Variants in MMS22L observed in about 807,000 individuals in gnomAD.
MMS22L encodes MMS22 like, DNA repair protein.
MMS22L carries 74 observed loss-of-function variants against 159.1 expected under a neutral mutation model. The ratio of observed to expected loss-of-function variants is 0.47; its 90% CI spans 0.39 to 0.56. The LOEUF (loss-of-function observed/expected upper bound fraction) is 0.56, where lower values mean the gene tolerates loss of function less well. Among genes scored for constraint, MMS22L ranks in the 20% least tolerant of loss-of-function variants. The pLI is 0.00. For missense variants in MMS22L, 1,351 were observed against 1,422.1 expected, an observed-to-expected ratio of 0.95 and a Z score of 0.80; for synonymous variants, 517 against 506.9, an observed-to-expected ratio of 1.02 and a Z score of -0.27.
At chr6:97,180,419 C>G (rs550986306) in intron 16 of MMS22L, among the ~76,000 whole-genome samples, 49 of 152,180 alleles carry the variant, frequency 3.2e-4, no homozygotes, top group South Asian at 8.3e-4. Flanking sequence ...TGATTTCTAA[C>G]CCATTCATTA....
At chr6:97,248,097 A>G (rs552473268) in intron 10 of MMS22L, among the ~76,000 whole-genome samples, 45 of 152,316 alleles carry the variant, frequency 3.0e-4, no homozygotes, top group Non-Finnish European at 5.4e-4. Context: ...ATACCAATAT[A>G]AGTGATAGTA....
intron 14 of MMS22L, among the ~76,000 whole-genome samples, chr6:97,213,056 C>CGTGTGTGT (rs754364178): frequency 1.3e-5 from 2 of 151,534 alleles, no homozygotes; most frequent in East Asian, 3.9e-4. Context: ...TGTGTGTGTG[C>CGTGTGTGT]GTGTGTGTGT....
At chr6:97,193,094 T>A (rs1463214762) in intron 14 of MMS22L, among the ~76,000 whole-genome samples, 1 of 152,176 alleles carries the variant, frequency 6.6e-6, no homozygotes, top group African/African-American at 2.4e-5. Flanking sequence ...TAAAGGTAGT[T>A]ATAAAGTAGT....
intron 11 of MMS22L, among the ~76,000 whole-genome samples, chr6:97,235,662 A>G (rs1811316835): frequency 6.6e-6 from 1 of 152,212 alleles, no homozygotes. Flanking sequence ...GAAGTCATTG[A>G]CGGCCTTCCC....
chr6:97,259,124 ACATT>A (rs375713346), intron 9 of MMS22L: 3 of 152,314 alleles, frequency 2.0e-5, no homozygotes, highest in East Asian at 3.9e-4. Context: ...ACACACACAC[ACATT>A]GCCTTTTTCC....
rs558124611 is a variant in MMS22L, at chr6:97,251,352, T to A, written c.1119+3205A>T. Among the ~76,000 whole-genome samples the A allele has an allele frequency of 4.6e-5, 7 of 152,342 alleles. No homozygotes were observed. The South Asian group carries it at 1.5e-3, about 32-fold the overall frequency. ...GAATATATTACCCTCTCACCTACTT[T>A]AAAATATTTCACTGAGATAATACAC... On this transcript the variant is annotated intron_variant, in intron 10 of 24. Transcript: ENST00000683635.
chr6:97,253,050 T>A (rs1813407727), intron 10 of MMS22L, among the ~76,000 whole-genome samples: 1 of 152,220 alleles, frequency 6.6e-6, no homozygotes, highest in South Asian at 2.1e-4. Context: ...AATTCTTTTC[T>A]GTGAGAAGTT....
At chr6:97,282,289 G>A in intron 2 of MMS22L, 25 bp downstream of exon 2, 1 of 1,610,046 alleles carries the variant, frequency 6.2e-7, no homozygotes, top group African/African-American at 1.3e-5. Context: ...TCAGATGAGG[G>A]AAAATGTCTC....
In MMS22L at chr6:97,145,156, A is replaced by G. The variant is rs1398411176; in HGVS notation, c.*1650T>C. On this transcript the variant is annotated 3_prime_UTR_variant, in exon 25 of 25. Coordinates refer to ENST00000683635, the MANE Select transcript of MMS22L (RefSeq NM_001350599.2). Reference sequence around the variant, plus strand: ...TGACTGCTGGAACTTTCCAAGCCATACATTATTTGTTTAGTAAGTCACTAT... The same window carrying G: ...TGACTGCTGGAACTTTCCAAGCCATGCATTATTTGTTTAGTAAGTCACTAT... 6.6e-6 allele frequency: 1 copy of G among 152,028 alleles called. No individual in the cohort carries two copies. The highest frequency in any genetic ancestry group is 1.5e-5 in the Non-Finnish European group (1 of 67,998). 9.4% of individuals were successfully genotyped at this position (152,028 alleles called of 1,614,324 possible).
At chr6:97,209,221 T>C (rs949071023) in intron 14 of MMS22L, among the ~76,000 whole-genome samples, 2 of 152,064 alleles carry the variant, frequency 1.3e-5, no homozygotes, top group Non-Finnish European at 1.5e-5. Context: ...TATACACATG[T>C]ACGGTTTACT....
chr6:97,172,566 G>A (rs1298220061), intron 19 of MMS22L, among the ~76,000 whole-genome samples: 1 of 152,132 alleles, frequency 6.6e-6, no homozygotes, highest in Non-Finnish European at 1.5e-5. Context: ...TATAGAACGG[G>A]CATAGAAAAT....
At chr6:97,151,690 A>T (rs574008353) in intron 23 of MMS22L, 81 bp downstream of exon 23, 91 of 1,071,322 alleles carry the variant, frequency 8.5e-5, no homozygotes, top group Non-Finnish European at 1.2e-4. Context: ...TATGTTTTGG[A>T]TAATTAGTTA....
chr6:97,251,919 GA>G (rs1367826576), intron 10 of MMS22L, among the ~76,000 whole-genome samples: 9 of 151,768 alleles, frequency 5.9e-5, no homozygotes, highest in Non-Finnish European at 1.2e-4. Flanking sequence ...CCGTTTCTAC[GA>G]AAAATACAAA....
chr6:97,156,518 T>C (rs1206136), intron 22 of MMS22L, among the ~76,000 whole-genome samples: 68,110 of 152,026 alleles, frequency 0.45, 15,434 homozygotes, highest in South Asian at 0.53. Context: ...ATGGATCCAG[T>C]TTCAGTTTTC....
chr6:97,192,619 G>C (rs1216133975), intron 14 of MMS22L, among the ~76,000 whole-genome samples: 3 of 152,162 alleles, frequency 2.0e-5, no homozygotes, highest in African/African-American at 7.2e-5. Flanking sequence ...AACATCACTA[G>C]AAAGATACAA....
At chr6:97,182,190 T>C (rs1804788814) in intron 15 of MMS22L, 136 bp from the exon 16 acceptor site, 4 of 702,356 alleles carry the variant, frequency 5.7e-6, no homozygotes, top group African/African-American at 3.6e-5. Flanking sequence ...CTTAGAAATG[T>C]AGAGCAAACA....
Position 97,143,285 on chromosome 6 carries a change from A to G in MMS22L, c.*3521T>C, listed in dbSNP as rs1800723906. On this transcript the variant is annotated 3_prime_UTR_variant, in exon 25 of 25. Coordinates refer to ENST00000683635, the MANE Select transcript of MMS22L (RefSeq NM_001350599.2). ...AGGAAAGAGGTCCTATACAGTTTCC[A>G]TGCTGTAAACTGAATGAGGCTGAGT... is the stretch of plus-strand genomic sequence containing the variant. The G allele has an allele frequency of 6.6e-6, 1 of 152,152 alleles. No individual in the cohort carries two copies. Among genetic ancestry groups the G allele is most frequent in the Admixed American group, 6.5e-5 (1 of 15,276 alleles). The allele number at this position is 152,152 out of a possible 1,614,324, so 9.4% of individuals were successfully genotyped here. A position where few individuals can be genotyped will look rare whatever the true frequency, so the allele number is the denominator to read the frequency against.
chr6:97,144,824 A>G lies in MMS22L; in HGVS notation c.*1982T>C, dbSNP rs1298035894. The stretch of plus-strand genomic sequence containing the variant: ...AAAGTTACTTATACATAAATACAAA[A>G]CATATAATACACACACATATTGTTA... On this transcript the variant is annotated 3_prime_UTR_variant, in exon 25 of 25. Coordinates refer to ENST00000683635, the MANE Select transcript of MMS22L (RefSeq NM_001350599.2). 1.3e-5 allele frequency: 2 copies of G among 152,150 alleles called. No individual in the cohort carries two copies. Among genetic ancestry groups the G allele is most frequent in the Admixed American group, 6.5e-5 (1 of 15,278 alleles). 9.4% of individuals were successfully genotyped at this position (152,150 alleles called of 1,614,324 possible). A position where few individuals can be genotyped will look rare whatever the true frequency, so the allele number is the denominator to read the frequency against.
rs1810190609 is a variant in MMS22L, at chr6:97,225,850, C to A, written c.2039+3044G>T. On this transcript the variant is annotated intron_variant, in intron 14 of 24. Transcript: ENST00000683635. The stretch of plus-strand genomic sequence containing the variant: ...CCTCCCAAAGTGCTGGGATTATAGG[C>A]ATAAGCCACCACGCCCAGCCTTATT... Among the ~76,000 whole-genome samples, 4 of 152,174 alleles carry A rather than the reference C, an allele frequency of 2.6e-5. No individual in the cohort carries two copies. In the South Asian group the frequency reaches 8.3e-4, roughly 32 times the overall value.
Sources: allele counts gnomAD v4.1 joint callset (sites outside exome capture counted in the v4.1 genomes callset), GRCh38; gene constraint gnomAD v4.1.1; transcripts MANE v1.5; gene names NCBI Gene and HGNC (gene_info 2026-07-23, HGNC 2026-07-21).